NRXN1: variants seen among roughly 807,000 people sequenced by gnomAD.
The protein encoded by NRXN1 is neurexin 1, also known as neurexin-1.
NRXN1 carries 39 observed loss-of-function variants against 150.9 expected under a neutral mutation model. The ratio of observed to expected loss-of-function variants is 0.26; its 90% CI spans 0.20 to 0.34. The LOEUF (loss-of-function observed/expected upper bound fraction) is 0.34, where lower values mean the gene tolerates loss of function less well. Ranked by LOEUF, NRXN1 falls within the 10% of genes least tolerant of loss-of-function variation. NRXN1 has a pLI of 1.00. For synonymous variants in NRXN1, 924 were observed against 757.0 expected, an observed-to-expected ratio of 1.22 and a Z score of -3.62; for missense variants, 1,815 against 1,949.9, an observed-to-expected ratio of 0.93 and a Z score of 1.30.
intron 17 of NRXN1, among the ~76,000 whole-genome samples, chr2:50,367,210 G>A (rs1037886593): frequency 1.3e-5 from 2 of 151,872 alleles, no homozygotes; most frequent in African/African-American, 2.4e-5. Flanking sequence ...AGAAAATGTC[G>A]TTGAGTAAAT....
intron 17 of NRXN1, among the ~76,000 whole-genome samples, chr2:50,355,891 T>C (rs1303897344): frequency 6.6e-6 from 1 of 152,168 alleles, no homozygotes; most frequent in Non-Finnish European, 1.5e-5. Context: ...CAAATCCTCT[T>C]CAACTTACCC....
chr2:50,734,261 A>G (rs1698451173), intron 5 of NRXN1, among the ~76,000 whole-genome samples: 2 of 152,138 alleles, frequency 1.3e-5, no homozygotes, highest in Admixed American at 6.6e-5. Context: ...ATTTTCAAGC[A>G]AATTTCTTAG....
chr2:49,936,171 T>A (rs1670993185), intron 22 of NRXN1, among the ~76,000 whole-genome samples: 1 of 152,228 alleles, frequency 6.6e-6, no homozygotes. Context: ...AGACTTCAAG[T>A]AAATGCTTAA....
intron 17 of NRXN1, among the ~76,000 whole-genome samples, chr2:50,453,050 T>C (rs1047091081): frequency 6.6e-6 from 1 of 152,204 alleles, no homozygotes; most frequent in African/African-American, 2.4e-5. Flanking sequence ...CAAGATAGTA[T>C]TAAAACCCTC....
At chr2:50,120,103 A>C (rs1703656665) in intron 18 of NRXN1, among the ~76,000 whole-genome samples, 1 of 152,148 alleles carries the variant, frequency 6.6e-6, no homozygotes, top group Non-Finnish European at 1.5e-5. Flanking sequence ...AAGGCAAATT[A>C]AAAGGCAATT....
intron 21 of NRXN1, among the ~76,000 whole-genome samples, chr2:50,018,392 T>C (rs1218581478): frequency 6.6e-6 from 1 of 152,182 alleles, no homozygotes; most frequent in East Asian, 1.9e-4. Context: ...AAGCAGGGAC[T>C]TCTTTTAGAA....
At chr2:50,877,409 A>G (rs949300426) in intron 5 of NRXN1, among the ~76,000 whole-genome samples, 2 of 151,922 alleles carry the variant, frequency 1.3e-5, no homozygotes, top group African/African-American at 2.4e-5. Flanking sequence ...AGAAAATTCT[A>G]CTTTAGCAGC....
chr2:50,402,783 A>C (rs555393778), intron 17 of NRXN1, among the ~76,000 whole-genome samples: 25 of 152,268 alleles, frequency 1.6e-4, no homozygotes, highest in African/African-American at 5.8e-4. Context: ...CCACTTCTCC[A>C]GTGATACGTG....
intron 5 of NRXN1, among the ~76,000 whole-genome samples, chr2:50,746,700 G>A (rs1700069138): frequency 6.6e-6 from 1 of 152,092 alleles, no homozygotes; most frequent in Non-Finnish European, 1.5e-5. Flanking sequence ...TTGGCCACTG[G>A]CCACTAGAGG....
In NRXN1 at chr2:50,347,779, G is replaced by T; in HGVS notation, c.3365-110809C>A. On this transcript the variant is annotated intron_variant, in intron 17 of 22. Coordinates refer to ENST00000401669, the MANE Select transcript of NRXN1 (RefSeq NM_001330078.2). This position sits in a 1 kb window ranked among gnomAD's most constrained non-coding sequence, Gnocchi z 4.9. The stretch of plus-strand genomic sequence containing the variant: ...AAGAAAAGAAAAACCACACACGCTG[G>T]TGAAGCAAGGGGCTCTATGCAAATC... The T allele has an allele frequency of 1.0e-6, 1 of 986,836 alleles. No individual in the cohort carries two copies. Among genetic ancestry groups the T allele is most frequent in the Non-Finnish European group, 1.2e-6 (1 of 830,998 alleles). 61.1% of individuals were successfully genotyped at this position (986,836 alleles called of 1,614,324 possible).
intron 2 of NRXN1, among the ~76,000 whole-genome samples, chr2:50,987,984 A>C (rs1266776159): frequency 6.6e-6 from 1 of 152,000 alleles, no homozygotes; most frequent in Non-Finnish European, 1.5e-5. Context: ...ACTATATTCT[A>C]TTCAATTCAG....
chr2:50,089,182 C>T (rs1249529404), intron 19 of NRXN1, among the ~76,000 whole-genome samples: 1 of 152,162 alleles, frequency 6.6e-6, no homozygotes, highest in African/African-American at 2.4e-5. Context: ...TTGGAAATTG[C>T]TGATTAAGTG....
rs1028657149 is a variant in NRXN1, at chr2:49,918,963, A to G, written c.*2981T>C. The G allele has an allele frequency of 3.3e-5, 5 of 152,266 alleles. No homozygotes were observed. The highest frequency in any genetic ancestry group is 3.3e-4 in the Admixed American group (5 of 15,290). The allele number at this position is 152,266 out of a possible 1,614,324, so 9.4% of individuals were successfully genotyped here. A position where few individuals can be genotyped will look rare whatever the true frequency, so the allele number is the denominator to read the frequency against. ...CTTGCAACAGAAAAACAAACAAACAAAAAAAGAAGAAGAAAACCCCTTTGA... is the reference window on the plus strand; with the variant it reads ...CTTGCAACAGAAAAACAAACAAACAGAAAAAGAAGAAGAAAACCCCTTTGA... On this transcript the variant is annotated 3_prime_UTR_variant, in exon 23 of 23. Transcript: ENST00000401669.
chr2:50,221,701 C>G (rs2063901933), intron 18 of NRXN1, among the ~76,000 whole-genome samples: 5 of 151,962 alleles, frequency 3.3e-5, no homozygotes, highest in Admixed American at 3.3e-4. Context: ...ATTTGAAAAA[C>G]TCAACTAGGT....
chr2:50,258,783 T>C (rs1341094224), intron 17 of NRXN1, among the ~76,000 whole-genome samples: 1 of 152,056 alleles, frequency 6.6e-6, no homozygotes, highest in East Asian at 1.9e-4. Flanking sequence ...AATTACTCCT[T>C]CCTTGGGTTA....
intron 8 of NRXN1, among the ~76,000 whole-genome samples, chr2:50,602,421 G>T (rs1219571886): frequency 6.6e-6 from 1 of 151,382 alleles, no homozygotes; most frequent in African/African-American, 2.4e-5. Flanking sequence ...AAGCTTCATA[G>T]AGATCCTCTA....
At chr2:50,271,924 TA>T in intron 17 of NRXN1, among the ~76,000 whole-genome samples, 1 of 152,120 alleles carries the variant, frequency 6.6e-6, no homozygotes, top group Middle Eastern at 3.4e-3. Flanking sequence ...TGGACCTAGG[TA>T]AAGGACGAAG....
intron 8 of NRXN1, among the ~76,000 whole-genome samples, chr2:50,599,761 C>T (rs571147170): frequency 6.6e-5 from 10 of 152,268 alleles, no homozygotes; most frequent in East Asian, 1.9e-4. Context: ...TCATCAGAAA[C>T]GCCTGGATGT....
chr2:50,537,844 C>A (rs1409718596), intron 10 of NRXN1, among the ~76,000 whole-genome samples: 3 of 152,170 alleles, frequency 2.0e-5, no homozygotes, highest in Non-Finnish European at 4.4e-5. Flanking sequence ...CAACTCATAG[C>A]TTAGCTTGCC....
Sources: gnomAD v4.1 joint callset for allele counts (sites outside exome capture counted in the v4.1 genomes callset) on GRCh38, gnomAD v4.1.1 for gene constraint, Gnocchi (gnomAD v3.1) non-coding constraint, MANE v1.5 for transcripts, NCBI Gene and HGNC (gene_info 2026-07-23, HGNC 2026-07-21) for gene names.